Variants in CNTNAP2 observed in about 807,000 individuals in gnomAD.
CNTNAP2 encodes contactin-associated protein-like 2.
CNTNAP2 carries 98 observed loss-of-function variants against 155.2 expected under a neutral mutation model. The observed-to-expected ratio is 0.63, with a 90% CI of 0.54 to 0.75. The LOEUF (loss-of-function observed/expected upper bound fraction) is 0.75. CNTNAP2 is among the 30% of genes least tolerant of loss of function. The probability of loss-of-function intolerance (pLI) is 0.00; values close to 1 mark genes in which losing one functional copy is unlikely to be tolerated. For missense variants in CNTNAP2, 1,727 were observed against 1,688.1 expected, an observed-to-expected ratio of 1.02 and a Z score of -0.40; for synonymous variants, 651 against 631.2, an observed-to-expected ratio of 1.03 and a Z score of -0.47.
chr7:146,415,976 T>C (rs1795932715), intron 1 of CNTNAP2, among the ~76,000 whole-genome samples: 1 of 151,998 alleles, frequency 6.6e-6, no homozygotes, highest in African/African-American at 2.4e-5. Flanking sequence ...GAGTACACAT[T>C]TTGTGATAGT....
chr7:148,221,545 C>T (rs1795747545), intron 19 of CNTNAP2, among the ~76,000 whole-genome samples: 1 of 152,074 alleles, frequency 6.6e-6, no homozygotes, highest in Admixed American at 6.5e-5. Context: ...TCAGCTTTTT[C>T]AGACTTCAAA....
Position 146,166,990 on chromosome 7 carries a change from A to G in CNTNAP2, c.97+50017A>G, listed in dbSNP as rs927623222. 2.6e-5 allele frequency among the ~76,000 whole-genome samples: 4 copies of G among 152,234 alleles called. No individual in the cohort carries two copies. The East Asian group carries it at 7.7e-4, about 29-fold the overall frequency. Reference sequence around the variant, plus strand: ...GAATGAAGCAGGCTTCCCACCTGACATGTAGGGGGAAGGAATCAGGCACTT... The same window carrying G: ...GAATGAAGCAGGCTTCCCACCTGACGTGTAGGGGGAAGGAATCAGGCACTT... On this transcript the variant is annotated intron_variant, in intron 1 of 23. Coordinates refer to ENST00000361727, the MANE Select transcript of CNTNAP2 (RefSeq NM_014141.6).
At chr7:146,334,386 G>A (rs892349210) in intron 1 of CNTNAP2, among the ~76,000 whole-genome samples, 32 of 149,528 alleles carry the variant, frequency 2.1e-4, no homozygotes, top group Non-Finnish European at 3.8e-4. Flanking sequence ...AGCCAAGATC[G>A]TGCCACTGCA....
chr7:146,482,609 G>A lies in CNTNAP2; in HGVS notation c.98-291662G>A, dbSNP rs553883751. Among the ~76,000 whole-genome samples the A allele has an allele frequency of 4.6e-5, 7 of 151,950 alleles. No homozygotes were observed. The East Asian group carries it at 1.4e-3, about 30-fold the overall frequency. ...AATACAGAAATTAGCTGGGCGTGGTGGCACACACCTGTAATCCCAGCTACT... is the reference window on the plus strand; with the variant it reads ...AATACAGAAATTAGCTGGGCGTGGTAGCACACACCTGTAATCCCAGCTACT... On this transcript the variant is annotated intron_variant, in intron 1 of 23. Coordinates refer to ENST00000361727, the MANE Select transcript of CNTNAP2 (RefSeq NM_014141.6).
At chr7:148,042,688 A>G (rs1431840467) in intron 15 of CNTNAP2, among the ~76,000 whole-genome samples, 1 of 152,140 alleles carries the variant, frequency 6.6e-6, no homozygotes, top group African/African-American at 2.4e-5. Context: ...TTCACGATCC[A>G]TGCCTGGCCC....
chr7:148,247,481 A>G (rs1796282888), intron 20 of CNTNAP2, among the ~76,000 whole-genome samples: 1 of 151,850 alleles, frequency 6.6e-6, no homozygotes, highest in Non-Finnish European at 1.5e-5. Context: ...TATTTCTCTT[A>G]CTTTAAAACA....
At chr7:147,299,994 A>G in intron 8 of CNTNAP2, 147 bp from the exon 9 acceptor site, 1 of 790,146 alleles carries the variant, frequency 1.3e-6, no homozygotes, top group Non-Finnish European at 2.0e-6. Context: ...TTAAAGAGAC[A>G]TGAGACGTCA....
At chr7:147,683,972 T>G (rs1795985187) in intron 13 of CNTNAP2, among the ~76,000 whole-genome samples, 1 of 151,798 alleles carries the variant, frequency 6.6e-6, no homozygotes, top group South Asian at 2.1e-4. Flanking sequence ...TGATAATTTC[T>G]CTACCAATGG....
chr7:146,125,990 G>GT (rs1200772968), intron 1 of CNTNAP2, among the ~76,000 whole-genome samples: 2 of 152,136 alleles, frequency 1.3e-5, no homozygotes, highest in African/African-American at 4.8e-5. Flanking sequence ...CTTATTAAAT[G>GT]TTTCTTCCCA....
intron 3 of CNTNAP2, among the ~76,000 whole-genome samples, chr7:147,019,099 G>A (rs1172035310): frequency 6.6e-6 from 1 of 152,048 alleles, no homozygotes; most frequent in East Asian, 1.9e-4. Flanking sequence ...TGTTGTTTTA[G>A]TAATCCCTAC....
chr7:146,591,426 G>A (rs2372614), intron 1 of CNTNAP2, among the ~76,000 whole-genome samples: 125,779 of 151,746 alleles, frequency 0.83, 52,762 homozygotes, highest in African/African-American at 0.9. Context: ...ATTGAGAAAT[G>A]TAAAATAATT....
At position 146,187,612 on chromosome 7, in the gene CNTNAP2, C is replaced by T. The variant is rs912869295; in HGVS notation, c.97+70639C>T. Among the ~76,000 whole-genome samples, 13 of 151,530 alleles carry T rather than the reference C, an allele frequency of 8.6e-5. No homozygotes were observed. The East Asian group carries it at 1.9e-3, about 23-fold the overall frequency. On this transcript the variant is annotated intron_variant, in intron 1 of 23. Coordinates refer to ENST00000361727, the MANE Select transcript of CNTNAP2 (RefSeq NM_014141.6). ...GTAAGATATATTGTTTTCTTTTTAC[C>T]CTCTCCCTTTTTCTTACCTTCTCCC...
intron 13 of CNTNAP2, among the ~76,000 whole-genome samples, chr7:147,811,041 T>A (rs1266009191): frequency 6.6e-6 from 1 of 152,188 alleles, no homozygotes; most frequent in Non-Finnish European, 1.5e-5. Context: ...GTAACCTTAG[T>A]TAGTCTTGTT....
chr7:148,220,555 A>C (rs186193844), intron 19 of CNTNAP2, among the ~76,000 whole-genome samples: 1 of 152,210 alleles, frequency 6.6e-6, no homozygotes, highest in Non-Finnish European at 1.5e-5. Context: ...GGGAAATTTT[A>C]TGTATGTTAA....
intron 4 of CNTNAP2, among the ~76,000 whole-genome samples, chr7:147,048,840 A>T (rs556087552): frequency 2.3e-3 from 353 of 152,338 alleles, no homozygotes; most frequent in Middle Eastern, 0.014. Context: ...TATAAAAGTT[A>T]TGTTTTAAGT....
intron 1 of CNTNAP2, among the ~76,000 whole-genome samples, chr7:146,753,265 G>A (rs1275045542): frequency 1.3e-5 from 2 of 149,338 alleles, no homozygotes; most frequent in Non-Finnish European, 3.0e-5. Context: ...TAATAACTCA[G>A]GAAAAAAAAT....
At chr7:148,257,349 C>T (rs1796473274) in intron 20 of CNTNAP2, among the ~76,000 whole-genome samples, 1 of 152,244 alleles carries the variant, frequency 6.6e-6, no homozygotes, top group Non-Finnish European at 1.5e-5. Context: ...CATCGCTAAC[C>T]CAGTGACAAA....
chr7:147,185,690 G>A (rs923853612), intron 8 of CNTNAP2, among the ~76,000 whole-genome samples: 18 of 152,198 alleles, frequency 1.2e-4, no homozygotes, highest in African/African-American at 4.1e-4. Flanking sequence ...AAACTCAAAT[G>A]AGTATAAAAC....
At chr7:146,885,500 T>C (rs1562987079) in intron 3 of CNTNAP2, among the ~76,000 whole-genome samples, 1 of 152,140 alleles carries the variant, frequency 6.6e-6, no homozygotes, top group East Asian at 1.9e-4. Flanking sequence ...TGCACACACG[T>C]TGGCATTGTT....
Sources: allele counts gnomAD v4.1 joint callset (sites outside exome capture counted in the v4.1 genomes callset), GRCh38; gene constraint gnomAD v4.1.1; transcripts MANE v1.5; gene names NCBI Gene and HGNC (gene_info 2026-07-23, HGNC 2026-07-21).